The following NCKAP1L variants were observed in gnomAD, a reference collection of about 807,000 sequenced individuals.
The protein encoded by NCKAP1L is nck-associated protein 1-like.
In NCKAP1L, 53 loss-of-function variants were observed where a neutral mutation model predicts 139.2. That is an observed-to-expected ratio of 0.38 (90% confidence interval 0.31 to 0.48). The LOEUF is 0.48. Ranked by LOEUF, NCKAP1L falls within the 20% of genes least tolerant of loss-of-function variation. The pLI is 0.98. For missense variants in NCKAP1L, 1,151 were observed against 1,381.9 expected (o/e 0.83, Z 2.65); for synonymous variants, 468 against 499.7 (o/e 0.94, Z 0.85).
intron 9 of NCKAP1L, among the ~76,000 whole-genome samples, chr12:54,514,612 C>A (rs577789932): frequency 1.3e-5 from 2 of 152,118 alleles, no homozygotes; most frequent in Non-Finnish European, 2.9e-5. Context: ...CGTGAGCCAC[C>A]GCGCCTGGCC....
Position 54,529,353 on chromosome 12 carries a change from G to T in NCKAP1L, c.2506+976G>T, listed in dbSNP as rs1465806860. On this transcript the variant is annotated intron_variant, in intron 22 of 30. Transcript: ENST00000293373. Reference sequence around the variant, plus strand: ...GGAAGCCTTTCCCTTTCTCAAGAGGGTTTGAAACTACAAGATCCTTTTTAA... The same window carrying T: ...GGAAGCCTTTCCCTTTCTCAAGAGGTTTTGAAACTACAAGATCCTTTTTAA... Among the ~76,000 whole-genome samples, 3 of 152,142 alleles carry T rather than the reference G, an allele frequency of 2.0e-5. No homozygotes were observed. In the East Asian group the frequency reaches 5.8e-4, roughly 29 times the overall value.
intron 13 of NCKAP1L, 97 bp downstream of exon 13, chr12:54,518,035 T>A: frequency 3.4e-6 from 5 of 1,481,780 alleles, no homozygotes; most frequent in Non-Finnish European, 4.6e-6. Context: ...GCTCTGTAAG[T>A]TGGGTGTCAA....
intron 30 of NCKAP1L, among the ~76,000 whole-genome samples, chr12:54,539,520 T>G (rs1040024126): frequency 1.3e-5 from 2 of 152,232 alleles, no homozygotes; most frequent in Non-Finnish European, 2.9e-5. Flanking sequence ...AGCTGTGGGC[T>G]TCTCTCTACT....
At chr12:54,523,776 A>C in intron 19 of NCKAP1L, 49 bp from the exon 20 acceptor site, 1 of 1,588,648 alleles carries the variant, frequency 6.3e-7, no homozygotes, top group South Asian at 1.2e-5. Flanking sequence ...CTTCCTAGAC[A>C]TTAGCAGGCA....
At position 54,506,796 on chromosome 12, in the gene NCKAP1L, A is replaced by AATATATATATATATAT. The variant is rs1171488876; in HGVS notation, c.307-1044_307-1029dup. On this transcript the variant is annotated intron_variant, in intron 3 of 30. Transcript: ENST00000293373. ...TTTTGGCAACATATTAAAAAAAAAA[A>AATATATATATATATAT]ATATATATATATATATATATATATA... Among the ~76,000 whole-genome samples the AATATATATATATATAT allele has an allele frequency of 6.1e-3, 306 of 50,534 alleles. 6 individuals are homozygous for AATATATATATATATAT. Among genetic ancestry groups the AATATATATATATATAT allele is most frequent in the East Asian group, 8.6e-3 (8 of 926 alleles). 33.2% of individuals were successfully genotyped at this position (50,534 alleles called of 152,430 possible). A position where few individuals can be genotyped will look rare whatever the true frequency, so the allele number is the denominator to read the frequency against.
chr12:54,508,019 G>C, intron 4 of NCKAP1L, 110 bp downstream of exon 4: 4 of 958,484 alleles, frequency 4.2e-6, no homozygotes, highest in Middle Eastern at 2.3e-4. Context: ...CTGGAAGGAT[G>C]GCTATTTTGT....
intron 22 of NCKAP1L, among the ~76,000 whole-genome samples, chr12:54,529,277 G>A (rs1957049900): frequency 6.6e-6 from 1 of 152,166 alleles, no homozygotes; most frequent in Non-Finnish European, 1.5e-5. Context: ...GTCTAGAAGT[G>A]CTTTTGTGTC....
chr12:54,518,257 G>A (rs777326252), intron 13 of NCKAP1L, among the ~76,000 whole-genome samples: 7 of 151,938 alleles, frequency 4.6e-5, no homozygotes, highest in Non-Finnish European at 1.0e-4. Flanking sequence ...CAGGAGAACG[G>A]CGTGAACCCG....
At position 54,523,485 on chromosome 12, in the gene NCKAP1L, A is replaced by C; in HGVS notation, c.1970A>C (p.Glu657Ala). The change falls in exon 19 of 31, where the codon GAG becomes GCG. Residue 657 changes from glutamate to alanine, a missense_variant. Glu to Ala is a moderately radical substitution (Grantham distance 107). Coordinates refer to ENST00000293373, the MANE Select transcript of NCKAP1L (RefSeq NM_005337.5). ...CAGACTCCCAGAAAAGGAGAGCCCG[A>C]GAGGGACAAGCCAGGAGCTGAGAGT... Reference protein sequence around the residue: ...QRQTPRKGEPERDKPGAESHR... With the variant: ...QRQTPRKGEPARDKPGAESHR... The C allele has an allele frequency of 1.9e-6, 3 of 1,614,154 alleles. No individual in the cohort carries two copies. The highest frequency in any genetic ancestry group is 2.5e-6 in the Non-Finnish European group (3 of 1,180,014).
chr12:54,514,620 G>A (rs1956916408), intron 9 of NCKAP1L, among the ~76,000 whole-genome samples: 1 of 152,132 alleles, frequency 6.6e-6, no homozygotes, highest in South Asian at 2.1e-4. Flanking sequence ...ACCGCGCCTG[G>A]CCTTGAATCT....
At chr12:54,500,004 A>T (rs1424424404) in intron 2 of NCKAP1L, among the ~76,000 whole-genome samples, 1 of 152,172 alleles carries the variant, frequency 6.6e-6, no homozygotes, top group Admixed American at 6.5e-5. Context: ...TCTAGTCAGG[A>T]TCACATGCAA....
intron 30 of NCKAP1L, among the ~76,000 whole-genome samples, chr12:54,539,805 T>A (rs564632784): frequency 6.6e-6 from 1 of 152,262 alleles, no homozygotes; most frequent in South Asian, 2.1e-4. Context: ...ACGAGAGATA[T>A]CTGGGGCCCC....
intron 4 of NCKAP1L, 100 bp downstream of exon 4, chr12:54,508,009 C>G: frequency 9.7e-7 from 1 of 1,030,624 alleles, no homozygotes; most frequent in Non-Finnish European, 1.5e-6. Flanking sequence ...TGGGAAGGGA[C>G]TGGAAGGATG....
At chr12:54,513,315 G>A (rs1028176968) in intron 9 of NCKAP1L, among the ~76,000 whole-genome samples, 2 of 152,210 alleles carry the variant, frequency 1.3e-5, no homozygotes, top group Non-Finnish European at 2.9e-5. Context: ...TAAACAGGTT[G>A]ACTTTGAAAT....
chr12:54,509,280 G>GACAC (rs1565673863), intron 5 of NCKAP1L, among the ~76,000 whole-genome samples: 5 of 152,140 alleles, frequency 3.3e-5, no homozygotes, highest in Admixed American at 6.5e-5. Flanking sequence ...TGCCTACGTG[G>GACAC]ATACCTAGAC....
At chr12:54,508,243 T>C in intron 4 of NCKAP1L, 146 bp from the exon 5 acceptor site, 2 of 911,828 alleles carry the variant, frequency 2.2e-6, no homozygotes, top group Non-Finnish European at 3.4e-6. Flanking sequence ...CCAATTTTCT[T>C]ATTCTTCTTT....
chr12:54,516,725 C>T (rs1956935007), intron 10 of NCKAP1L, among the ~76,000 whole-genome samples, 171 bp from the exon 11 acceptor site: 1 of 152,210 alleles, frequency 6.6e-6, no homozygotes, highest in South Asian at 2.1e-4. Context: ...GAATTACAGG[C>T]AAGAGCCACC....
intron 9 of NCKAP1L, among the ~76,000 whole-genome samples, chr12:54,512,764 ATGTGTGTGTGTGTG>A (rs55837974): frequency 1.2e-4 from 18 of 149,942 alleles, no homozygotes; most frequent in Admixed American, 1.1e-3. Context: ...GAGTGTGTGT[ATGTGTGTGTGTGTG>A]TGTGTGTGTG....
At chr12:54,504,523 A>G (rs1956826170) in intron 3 of NCKAP1L, among the ~76,000 whole-genome samples, 1 of 152,210 alleles carries the variant, frequency 6.6e-6, no homozygotes, top group Admixed American at 6.5e-5. Flanking sequence ...GGCAAAGGAG[A>G]TTTTAGAACA....
Sources: gnomAD v4.1 joint callset for allele counts (sites outside exome capture counted in the v4.1 genomes callset) on GRCh38, gnomAD v4.1.1 for gene constraint, MANE v1.5 for transcripts, NCBI Gene and HGNC (gene_info 2026-07-23, HGNC 2026-07-21) for gene names.